RAPGEF4: variants seen among roughly 807,000 people sequenced by gnomAD.
RAPGEF4 encodes RAP guanine-nucleotide-exchange factor (GEF) 4.
A neutral mutation model predicts 147.9 loss-of-function variants in RAPGEF4; 66 were observed. The observed-to-expected ratio is 0.45, with a 90% CI of 0.37 to 0.55. The LOEUF (loss-of-function observed/expected upper bound fraction) is 0.55, where lower values mean the gene tolerates loss of function less well. RAPGEF4 is among the 20% of genes least tolerant of loss of function. The pLI is 0.00. For missense variants in RAPGEF4, 1,071 were observed against 1,257.3 expected, an observed-to-expected ratio of 0.85 and a Z score of 2.24; for synonymous variants, 419 against 442.7, an observed-to-expected ratio of 0.95 and a Z score of 0.67.
At chr2:172,916,566 T>C (rs1684094023) in intron 4 of RAPGEF4, among the ~76,000 whole-genome samples, 1 of 152,142 alleles carries the variant, frequency 6.6e-6, no homozygotes, top group South Asian at 2.1e-4. Context: ...CAGGGTGATA[T>C]ATTGGTCCTG....
intron 29 of RAPGEF4, 53 bp downstream of exon 29, chr2:173,036,745 C>G (rs1213292348): frequency 1.5e-6 from 2 of 1,341,636 alleles, no homozygotes; most frequent in East Asian, 4.6e-5. Context: ...ATAAAATTTG[C>G]ATTTTTTCTA....
chr2:172,767,371 G>T (rs999494188), intron 1 of RAPGEF4, among the ~76,000 whole-genome samples: 6 of 151,910 alleles, frequency 3.9e-5, no homozygotes, highest in Non-Finnish European at 7.4e-5. Flanking sequence ...TATAGACAGG[G>T]TTTCTCCATG....
chr2:172,993,156 C>A (rs181563246), intron 15 of RAPGEF4, among the ~76,000 whole-genome samples: 5 of 152,114 alleles, frequency 3.3e-5, no homozygotes, highest in Non-Finnish European at 5.9e-5. Flanking sequence ...ACTTTCAAAA[C>A]CTCCTGACTC....
intron 29 of RAPGEF4, 115 bp downstream of exon 29, chr2:173,036,807 A>G (rs1375052957): frequency 3.1e-6 from 2 of 646,332 alleles, no homozygotes; most frequent in Non-Finnish European, 5.1e-6. Flanking sequence ...GTAGTTACAC[A>G]TAAAGGAGTT....
intron 4 of RAPGEF4, among the ~76,000 whole-genome samples, chr2:172,915,157 C>G (rs1272150005): frequency 1.3e-5 from 2 of 152,182 alleles, no homozygotes; most frequent in East Asian, 3.8e-4. Context: ...ATAAATATTT[C>G]AACCCTAATT....
At chr2:172,774,528 CT>C (rs1229196043) in intron 1 of RAPGEF4, among the ~76,000 whole-genome samples, 3 of 152,174 alleles carry the variant, frequency 2.0e-5, no homozygotes, top group Non-Finnish European at 4.4e-5. Flanking sequence ...TCTGTTTGTA[CT>C]TTTGCAATTT....
chr2:173,051,459 G>T (rs531856194), intron 30 of RAPGEF4, among the ~76,000 whole-genome samples, 181 bp from the exon 31 acceptor site: 22 of 152,300 alleles, frequency 1.4e-4, no homozygotes, highest in Admixed American at 7.2e-4. Context: ...AAGAAAATTG[G>T]AGGGTAGGAA....
chr2:172,741,272 A>G (rs1017622035), intron 1 of RAPGEF4, among the ~76,000 whole-genome samples: 1 of 152,220 alleles, frequency 6.6e-6, no homozygotes, highest in African/African-American at 2.4e-5. Flanking sequence ...TTCTCTTTTC[A>G]CATCACTTGA....
chr2:172,822,111 G>A (rs1346416703), intron 4 of RAPGEF4: 6 of 1,088,444 alleles, frequency 5.5e-6, no homozygotes, highest in Non-Finnish European at 7.9e-6. Context: ...ACCCAAATAT[G>A]TACCATGGCA....
At chr2:172,755,768 T>C (rs1695712104) in intron 1 of RAPGEF4, among the ~76,000 whole-genome samples, 1 of 152,106 alleles carries the variant, frequency 6.6e-6, no homozygotes. Context: ...AGGTCCCATG[T>C]AATCTTCACC....
chr2:172,828,982 G>A (rs920628171), intron 4 of RAPGEF4, among the ~76,000 whole-genome samples: 10 of 152,214 alleles, frequency 6.6e-5, no homozygotes, highest in African/African-American at 2.4e-4. Context: ...AGACAGGTTG[G>A]TGTTGAACCT....
intron 4 of RAPGEF4, among the ~76,000 whole-genome samples, chr2:172,843,395 T>C (rs1287206208): frequency 6.6e-6 from 1 of 152,188 alleles, no homozygotes; most frequent in Non-Finnish European, 1.5e-5. Context: ...CTTGGATAAT[T>C]AGTGTTTCCT....
intron 4 of RAPGEF4, among the ~76,000 whole-genome samples, chr2:172,817,079 T>C (rs180728612): frequency 6.6e-6 from 1 of 152,226 alleles, no homozygotes; most frequent in Non-Finnish European, 1.5e-5. Flanking sequence ...AAGATTGAAT[T>C]CTGTTTATTG....
chr2:172,993,276 G>T (rs1171595153), intron 15 of RAPGEF4, among the ~76,000 whole-genome samples: 1 of 152,166 alleles, frequency 6.6e-6, no homozygotes, highest in South Asian at 2.1e-4. Context: ...TGTTTCGCAT[G>T]TCTTTCTGCT....
chr2:172,925,948 A>G (rs1575264340), intron 6 of RAPGEF4, among the ~76,000 whole-genome samples: 1 of 112,876 alleles, frequency 8.9e-6, no homozygotes, highest in Non-Finnish European at 1.8e-5. Context: ...GAGGGAAGGA[A>G]GGAGGGGGAG....
intron 3 of RAPGEF4, among the ~76,000 whole-genome samples, chr2:172,805,481 G>GT (rs974674840): frequency 4.6e-5 from 7 of 152,186 alleles, no homozygotes; most frequent in African/African-American, 1.7e-4. Flanking sequence ...ACCACTATGC[G>GT]TAATTATCAG....
intron 1 of RAPGEF4, among the ~76,000 whole-genome samples, chr2:172,745,617 C>T (rs1275121741): frequency 6.7e-6 from 1 of 150,194 alleles, no homozygotes; most frequent in African/African-American, 2.5e-5. Flanking sequence ...TCTTCTTTTT[C>T]TGGCTTCTTA....
rs576034702 is a variant in RAPGEF4 at position 172,961,254 on chromosome 2, T to G, written c.698+26T>G. 2.0e-6 allele frequency: 3 copies of G among 1,493,924 alleles called. No homozygotes were observed. In the Admixed American group the frequency reaches 5.1e-5, roughly 26 times the overall value. 92.5% of individuals were successfully genotyped at this position (1,493,924 alleles called of 1,614,324 possible). A position where few individuals can be genotyped will look rare whatever the true frequency, so the allele number is the denominator to read the frequency against. On this transcript the variant is annotated intron_variant, in intron 8 of 30. Coordinates refer to ENST00000397081, the MANE Select transcript of RAPGEF4 (RefSeq NM_007023.4). The stretch of plus-strand genomic sequence containing the variant: ...GTATGTGTGCTAATTCTAAAGGCTG[T>G]GCCCCGCTCATATTCATGTTTAGTG...
intron 10 of RAPGEF4, among the ~76,000 whole-genome samples, chr2:172,979,800 G>A (rs1691485366): frequency 6.6e-6 from 1 of 152,174 alleles, no homozygotes; most frequent in Admixed American, 6.5e-5. Context: ...TGGAGCACCT[G>A]AGGTCAGAAG....
Sources: gnomAD v4.1 joint callset for allele counts (sites outside exome capture counted in the v4.1 genomes callset) on GRCh38, gnomAD v4.1.1 for gene constraint, MANE v1.5 for transcripts, NCBI Gene and HGNC (gene_info 2026-07-23, HGNC 2026-07-21) for gene names.